Variants in PHF21B observed in about 807,000 individuals in gnomAD.
PHF21B encodes PHD finger protein 4.
A neutral mutation model predicts 62.2 loss-of-function variants in PHF21B; 22 were observed. The observed-to-expected ratio is 0.35, with a 90% confidence interval of 0.25 to 0.51. The LOEUF (loss-of-function observed/expected upper bound fraction) is 0.51. PHF21B is among the 20% of genes least tolerant of loss of function. The pLI, the probability that PHF21B is intolerant of heterozygous loss-of-function variation, is 0.97. For synonymous variants in PHF21B, 341 were observed against 314.7 expected (o/e 1.08, Z -0.88); for missense variants, 701 against 707.9 (o/e 0.99, Z 0.11).
rs548267897 is a variant in PHF21B, at chr22:44,946,626, G to GACA, written c.121-26137_121-26136insTGT. Among the ~76,000 whole-genome samples, 969 of 151,918 alleles carry GACA rather than the reference G, an allele frequency of 6.4e-3. 11 individuals carry two copies. The highest frequency in any genetic ancestry group is 0.022 in the African/African-American group (901 of 41,332). ...TGGACAGTGGTTGTATGGATGGATG[G>GACA]GTGGATGGATGGATGGGTGGATGGA... On this transcript the variant is annotated intron_variant, in intron 2 of 12. Transcript: ENST00000313237.
intron 2 of PHF21B, among the ~76,000 whole-genome samples, chr22:44,923,968 A>G (rs1228768167): frequency 6.6e-6 from 1 of 150,894 alleles, no homozygotes; most frequent in Non-Finnish European, 1.5e-5. Flanking sequence ...CCATGATTGC[A>G]CCACTGCACT....
intron 12 of PHF21B, among the ~76,000 whole-genome samples, 155 bp from the exon 13 acceptor site, chr22:44,883,459 A>G (rs1260172323): frequency 1.3e-5 from 2 of 152,200 alleles, no homozygotes; most frequent in African/African-American, 4.8e-5. Context: ...TGCAAATGCA[A>G]TTAAAGAGCA....
intron 2 of PHF21B, among the ~76,000 whole-genome samples, chr22:44,934,087 G>T (rs2071797288): frequency 1.3e-5 from 2 of 152,196 alleles, no homozygotes; most frequent in South Asian, 4.1e-4. Flanking sequence ...CCTCTCCTCT[G>T]ACGTGGGCAT....
At chr22:45,002,699 T>C (rs183532048) in intron 2 of PHF21B, among the ~76,000 whole-genome samples, 6 of 152,364 alleles carry the variant, frequency 3.9e-5, no homozygotes, top group African/African-American at 1.4e-4. Context: ...TCTTCCTGCC[T>C]CGTGCCCTAG....
chr22:44,951,495 T>C lies in PHF21B; in HGVS notation c.121-31005A>G, dbSNP rs570414573. Reference sequence around the variant, plus strand: ...CAGGCCACAGACCAGTACCAGTCCATGGCCCGGGAGATGGGAATCCCTGCT... The same window carrying C: ...CAGGCCACAGACCAGTACCAGTCCACGGCCCGGGAGATGGGAATCCCTGCT... On this transcript the variant is annotated intron_variant, in intron 2 of 12. Transcript: ENST00000313237. Among the ~76,000 whole-genome samples the C allele has an allele frequency of 4.6e-5, 7 of 152,332 alleles. No individual in the cohort carries two copies. The East Asian group carries it at 1.4e-3, about 29-fold the overall frequency.
chr22:44,891,232 C>T (rs1018012225), intron 8 of PHF21B, 74 bp downstream of exon 8: 20 of 1,539,554 alleles, frequency 1.3e-5, no homozygotes, highest in African/African-American at 1.2e-4. Context: ...CAGGCCCAGG[C>T]GTGGAGGACC....
intron 5 of PHF21B, among the ~76,000 whole-genome samples, chr22:44,897,140 G>A (rs547898165): frequency 2.5e-4 from 38 of 152,138 alleles, no homozygotes; most frequent in African/African-American, 7.5e-4. Context: ...CCAAAGTGCT[G>A]GTATTATAGA....
At chr22:44,964,697 GTTCA>G (rs1035647693) in intron 2 of PHF21B, among the ~76,000 whole-genome samples, 2 of 152,246 alleles carry the variant, frequency 1.3e-5, no homozygotes, top group African/African-American at 2.4e-5. Flanking sequence ...GGTCTACTCT[GTTCA>G]TTCATTCATT....
At chr22:44,945,491 C>G (rs896755177) in intron 2 of PHF21B, among the ~76,000 whole-genome samples, 3 of 152,184 alleles carry the variant, frequency 2.0e-5, no homozygotes, top group Admixed American at 2.0e-4. Context: ...CGCTTGAGTG[C>G]ACGGGGCCTG....
At chr22:44,956,121 G>T (rs1411819808) in intron 2 of PHF21B, among the ~76,000 whole-genome samples, 2 of 152,230 alleles carry the variant, frequency 1.3e-5, no homozygotes, top group Non-Finnish European at 2.9e-5. Flanking sequence ...AGCGGTGGGA[G>T]CACAGGGGAG....
chr22:44,998,111 AGTTTCATCGTATGGACCATTCT>A (rs1330096809), intron 2 of PHF21B, among the ~76,000 whole-genome samples: 3 of 152,228 alleles, frequency 2.0e-5, no homozygotes, highest in African/African-American at 7.2e-5. Context: ...TGATTTAGTA[AGTTTCATCGTATGGACCATTCT>A]GGAACACACT....
At chr22:44,960,551 G>A (rs1185224857) in intron 2 of PHF21B, among the ~76,000 whole-genome samples, 1 of 152,212 alleles carries the variant, frequency 6.6e-6, no homozygotes, top group Non-Finnish European at 1.5e-5. Flanking sequence ...CCCAAGAGCT[G>A]TGTGATAGTC....
intron 2 of PHF21B, among the ~76,000 whole-genome samples, chr22:44,930,257 G>T (rs999014664): frequency 3.9e-5 from 6 of 152,198 alleles, no homozygotes; most frequent in African/African-American, 7.2e-5. Flanking sequence ...CCTGTGGAGG[G>T]GAGAGGGAGA....
chr22:44,998,070 C>T (rs1268947329), intron 2 of PHF21B, among the ~76,000 whole-genome samples: 1 of 152,242 alleles, frequency 6.6e-6, no homozygotes, highest in Non-Finnish European at 1.5e-5. Flanking sequence ...GGTGAAGAAA[C>T]TTACCCATAC....
In PHF21B at chr22:44,883,214, G is replaced by GTATCAGTC; in HGVS notation, c.1460_1467dup (p.Gln490AspfsTer2). On this transcript the variant is annotated stop_gained and frameshift_variant, in exon 13 of 13. Coordinates refer to ENST00000313237, the MANE Select transcript of PHF21B (RefSeq NM_138415.5). LOFTEE classifies it high-confidence loss of function. ...GTGACCTGGAGCAGCTGCTCGCCCT[G>GTATCAGTC]TATCAGTCTCAGGAGGGCCCGCAGG... 6.2e-7 allele frequency: 1 copy of GTATCAGTC among 1,613,870 alleles called. No homozygotes were observed. The highest frequency in any genetic ancestry group is 8.5e-7 in the Non-Finnish European group (1 of 1,180,006).
At chr22:44,964,073 A>T (rs111261663) in intron 2 of PHF21B, among the ~76,000 whole-genome samples, 4 of 152,348 alleles carry the variant, frequency 2.6e-5, no homozygotes, top group African/African-American at 9.6e-5. Context: ...TCCTTCTCAC[A>T]GGAGTGGACC....
At chr22:44,948,298 C>T (rs936843894) in intron 2 of PHF21B, among the ~76,000 whole-genome samples, 5 of 152,148 alleles carry the variant, frequency 3.3e-5, no homozygotes, top group Non-Finnish European at 5.9e-5. Flanking sequence ...GTCCCATCTG[C>T]GGGTGGGTGA....
intron 2 of PHF21B, among the ~76,000 whole-genome samples, chr22:44,988,619 G>C (rs911506370): frequency 1.3e-5 from 2 of 152,142 alleles, no homozygotes; most frequent in Non-Finnish European, 2.9e-5. Flanking sequence ...ATCTCATTTT[G>C]TCCTCTGCTA....
At chr22:44,969,158 G>C (rs113177906) in intron 2 of PHF21B, 1 of 152,266 alleles carries the variant, frequency 6.6e-6, no homozygotes, top group Non-Finnish European at 1.5e-5. Flanking sequence ...CCGTGTCCAC[G>C]TGATCCATGC....
Sources: allele counts gnomAD v4.1 joint callset (sites outside exome capture counted in the v4.1 genomes callset), GRCh38; gene constraint gnomAD v4.1.1; transcripts MANE v1.5; gene names NCBI Gene and HGNC (gene_info 2026-07-23, HGNC 2026-07-21).